Variants in DZIP3 observed in about 807,000 individuals in gnomAD.
DZIP3 encodes the protein E3 ubiquitin-protein ligase DZIP3.
A neutral mutation model predicts 162.0 loss-of-function variants in DZIP3; 118 were observed. The observed-to-expected ratio is 0.73, with a 90% CI of 0.63 to 0.85. The LOEUF (loss-of-function observed/expected upper bound fraction) is 0.85, where lower values mean the gene tolerates loss of function less well. Ranked by LOEUF, DZIP3 falls within the 40% of genes least tolerant of loss-of-function variation. The pLI is 0.00. For synonymous variants in DZIP3, 438 were observed against 458.6 expected (o/e 0.96, Z 0.57); for missense variants, 1,331 against 1,407.0 (o/e 0.95, Z 0.86).
intron 1 of DZIP3, among the ~76,000 whole-genome samples, chr3:108,594,158 ATTTTTTTCTTAGTT>A (rs1324644660): frequency 2.0e-5 from 3 of 151,542 alleles, no homozygotes; most frequent in African/African-American, 7.3e-5. Flanking sequence ...TGTTATCTAT[ATTTTTTTCTTAGTT>A]GGGCTTTCCA....
chr3:108,610,065 T>C (rs112531122), intron 3 of DZIP3, among the ~76,000 whole-genome samples: 245 of 152,310 alleles, frequency 1.6e-3, no homozygotes, highest in Non-Finnish European at 3.0e-3. Flanking sequence ...TTCAAACCTT[T>C]AGAAAGATTG....
rs1156447111 is a variant in DZIP3, at chr3:108,616,604, T to C, written c.322T>C (p.Leu108=). 1 of 1,611,312 alleles carries C rather than the reference T, an allele frequency of 6.2e-7. No homozygotes were observed. Among genetic ancestry groups the C allele is most frequent in the Non-Finnish European group, 8.5e-7 (1 of 1,178,824 alleles). ...EIVPALTLRF[L]ITQLEAALRN... The stretch of plus-strand genomic sequence containing the variant: ...TGTTCCTGCTTTGACTTTACGTTTC[T>C]TGATTACACAGCTAGAAGCAGCACT... The change falls in exon 5 of 33, where the codon TTG becomes CTG. Residue 108 remains leucine, a synonymous_variant. Transcript: ENST00000361582.
chr3:108,651,121 T>C lies in DZIP3; in HGVS notation c.2008-16T>C. 1 of 703,788 alleles carries C rather than the reference T, an allele frequency of 1.4e-6. No homozygotes were observed. The highest frequency in any genetic ancestry group is 2.0e-5 in the South Asian group (1 of 49,972). The allele number at this position is 703,788 out of a possible 1,614,324, so 43.6% of individuals were successfully genotyped here. A position where few individuals can be genotyped will look rare whatever the true frequency, so the allele number is the denominator to read the frequency against. ...TATAGTTGATATAGATTACTAATTC[T>C]TATGTTATTTTTCAGAATAAAGACT... On this transcript the variant is annotated splice_polypyrimidine_tract_variant and intron_variant, in intron 17 of 32. Coordinates refer to ENST00000361582, the MANE Select transcript of DZIP3 (RefSeq NM_014648.4).
At chr3:108,669,912 G>C (rs981917384) in intron 22 of DZIP3, among the ~76,000 whole-genome samples, 163 bp downstream of exon 22, 16 of 151,766 alleles carry the variant, frequency 1.1e-4, no homozygotes, top group African/African-American at 2.4e-4. Flanking sequence ...GTGTAAACTG[G>C]GAGTATCTTA....
At chr3:108,640,118 ATAATTTATTT>A (rs1942323898) in intron 12 of DZIP3, among the ~76,000 whole-genome samples, 1 of 152,006 alleles carries the variant, frequency 6.6e-6, no homozygotes, top group African/African-American at 2.4e-5. Flanking sequence ...TTCCTTTGCA[ATAATTTATTT>A]TATGATCATA....
chr3:108,688,115 C>CA lies in DZIP3; in HGVS notation c.3270+25dup. The stretch of plus-strand genomic sequence containing the variant: ...GTCTCAGGTAAAATGCAAAAACAAC[C>CA]AAAAAACCTGTATCTCTCTGCCCTT... On this transcript the variant is annotated intron_variant, in intron 29 of 32. Coordinates refer to ENST00000361582, the MANE Select transcript of DZIP3 (RefSeq NM_014648.4). 1 of 1,610,978 alleles carries CA rather than the reference C, an allele frequency of 6.2e-7. No individual in the cohort carries two copies. The highest frequency in any genetic ancestry group is 8.5e-7 in the Non-Finnish European group (1 of 1,178,626).
intron 8 of DZIP3, among the ~76,000 whole-genome samples, chr3:108,632,543 G>A (rs748427633): frequency 2.6e-5 from 4 of 152,238 alleles, no homozygotes; most frequent in Non-Finnish European, 5.9e-5. Context: ...CACTGCCAAT[G>A]CAGTGACCTA....
At chr3:108,683,011 C>T (rs1414237586) in intron 26 of DZIP3, among the ~76,000 whole-genome samples, 1 of 150,804 alleles carries the variant, frequency 6.6e-6, no homozygotes, top group Non-Finnish European at 1.5e-5. Flanking sequence ...AAATTTGACA[C>T]ATATGTAAAA....
chr3:108,668,386 A>G (rs908866931), intron 21 of DZIP3, among the ~76,000 whole-genome samples: 2 of 152,050 alleles, frequency 1.3e-5, no homozygotes, highest in African/African-American at 4.8e-5. Context: ...GACTGCCTGA[A>G]CATACGTAGC....
At chr3:108,663,183 TAG>T (rs1164408994) in intron 21 of DZIP3, among the ~76,000 whole-genome samples, 1 of 152,190 alleles carries the variant, frequency 6.6e-6, no homozygotes, top group Non-Finnish European at 1.5e-5. Flanking sequence ...TGACTAGAGT[TAG>T]AGAGATCCTT....
At chr3:108,669,600 C>G in intron 21 of DZIP3, 81 bp from the exon 22 acceptor site, 1 of 1,286,502 alleles carries the variant, frequency 7.8e-7, no homozygotes, top group Non-Finnish European at 1.1e-6. Flanking sequence ...ATCTCCTCCA[C>G]AGCTGTAGTT....
chr3:108,686,636 A>G (rs1294270967), intron 28 of DZIP3, 52 bp downstream of exon 28: 5 of 1,428,362 alleles, frequency 3.5e-6, no homozygotes, highest in African/African-American at 1.5e-5. Context: ...TCCAGTTTTC[A>G]TAGCCATAAT....
At chr3:108,685,840 C>T (rs1312143243) in intron 27 of DZIP3, among the ~76,000 whole-genome samples, 1 of 152,206 alleles carries the variant, frequency 6.6e-6, no homozygotes, top group African/African-American at 2.4e-5. Flanking sequence ...GAAATAATCA[C>T]TTCTTACGCA....
In DZIP3 at chr3:108,677,668, G is replaced by A. The variant is rs1944162707; in HGVS notation, c.2883+70G>A. The A allele has an allele frequency of 3.1e-6, 4 of 1,298,952 alleles. No homozygotes were observed. The Admixed American group carries it at 6.8e-5, about 22-fold the overall frequency. The allele number at this position is 1,298,952 out of a possible 1,614,324, so 80.5% of individuals were successfully genotyped here. On this transcript the variant is annotated intron_variant, in intron 26 of 32. Transcript: ENST00000361582. ...AAAATGGTAAGGGCTGTGAAACACT[G>A]AATATGCAGTATGTTTAACGTGTGT... is the stretch of plus-strand genomic sequence containing the variant.
intron 31 of DZIP3, among the ~76,000 whole-genome samples, chr3:108,690,166 G>A (rs1207772459): frequency 6.6e-6 from 1 of 152,132 alleles, no homozygotes; most frequent in Non-Finnish European, 1.5e-5. Context: ...CATTTTTTAT[G>A]ACTATAGTTA....
At chr3:108,609,513 G>A (rs1192263582) in intron 3 of DZIP3, among the ~76,000 whole-genome samples, 1 of 152,142 alleles carries the variant, frequency 6.6e-6, no homozygotes, top group Non-Finnish European at 1.5e-5. Context: ...AATGGATTAA[G>A]CATCAAATAT....
chr3:108,675,774 T>C lies in DZIP3; in HGVS notation c.2694-12T>C, dbSNP rs1944085293. On this transcript the variant is annotated splice_polypyrimidine_tract_variant and intron_variant, in intron 24 of 32. Coordinates refer to ENST00000361582, the MANE Select transcript of DZIP3 (RefSeq NM_014648.4). ...GAAAGAGTTTTCTTTTGTGTCTCCT[T>C]TTCTACAACAGCAACCTAGAATCAC... The C allele has an allele frequency of 6.3e-7, 1 of 1,591,076 alleles. No homozygotes were observed. Among genetic ancestry groups the C allele is most frequent in the South Asian group, 1.2e-5 (1 of 86,492 alleles).
intron 19 of DZIP3, among the ~76,000 whole-genome samples, chr3:108,655,238 T>C (rs1237492929): frequency 6.6e-6 from 1 of 152,176 alleles, no homozygotes; most frequent in Non-Finnish European, 1.5e-5. Context: ...TCAAGAGCTA[T>C]GCTAAGACAA....
Position 108,674,118 on chromosome 3 carries a change from A to T in DZIP3, c.2630A>T (p.His877Leu). Residue 877 changes from histidine to leucine, a missense_variant, in exon 24 of 33, where the codon CAT becomes CTT. Coordinates refer to ENST00000361582, the MANE Select transcript of DZIP3 (RefSeq NM_014648.4). Reference protein sequence around the residue: ...LQCRRDFGLLHLEQTEKECLN... With the variant: ...LQCRRDFGLLLLEQTEKECLN... ...TGTCGTAGGGATTTTGGTTTGCTTCATCTAGAGCAGACTGAAAAGGAATGT... is the reference window on the plus strand; with the variant it reads ...TGTCGTAGGGATTTTGGTTTGCTTCTTCTAGAGCAGACTGAAAAGGAATGT... The T allele has an allele frequency of 6.2e-7, 1 of 1,612,358 alleles. No homozygotes were observed. The highest frequency in any genetic ancestry group is 8.5e-7 in the Non-Finnish European group (1 of 1,178,930).
Sources: gnomAD v4.1 joint callset for allele counts (sites outside exome capture counted in the v4.1 genomes callset) on GRCh38, gnomAD v4.1.1 for gene constraint, MANE v1.5 for transcripts, NCBI Gene and HGNC (gene_info 2026-07-23, HGNC 2026-07-21) for gene names.